RIF1: variants seen among roughly 807,000 people sequenced by gnomAD.
RIF1 encodes replication timing regulatory factor 1, also known as telomere-associated protein RIF1.
RIF1 carries 45 observed loss-of-function variants against 247.1 expected under a neutral mutation model. The ratio of observed to expected loss-of-function variants is 0.18; its 90% CI spans 0.14 to 0.23. RIF1 has a LOEUF of 0.23. RIF1 is among the 10% of genes least tolerant of loss of function. RIF1 has a pLI of 1.00. For missense variants in RIF1, 2,967 were observed against 2,862.5 expected (o/e 1.04, Z -0.83); for synonymous variants, 1,087 against 978.8 (o/e 1.11, Z -2.06).
At chr2:151,493,880 A>G in intron 9 of RIF1, 1 of 1,494,848 alleles carries the variant, frequency 6.7e-7, no homozygotes, top group Non-Finnish European at 9.0e-7. Context: ...GTGAGATACA[A>G]AGTCATGCCC....
At chr2:151,429,022 A>G in intron 9 of RIF1, 100 bp downstream of exon 9, 1 of 698,572 alleles carries the variant, frequency 1.4e-6, no homozygotes, top group Non-Finnish European at 2.4e-6. Context: ...AGTTGAAGTT[A>G]AGTAACTACT....
chr2:151,499,607 G>GTAAC (rs1424318864), intron 11 of RIF1: 1 of 366,636 alleles, frequency 2.7e-6, no homozygotes, highest in African/African-American at 2.2e-5. Context: ...TCTTTTTATT[G>GTAAC]TAACTTGAAT....
At chr2:151,506,247 T>A in exon 13 of RIF1, 1 of 1,612,528 alleles carries the variant, frequency 6.2e-7, no homozygotes, top group Non-Finnish European at 8.5e-7. Flanking sequence ...AGACATCCTC[T>A]TTATATAAAA....
intron 1 of RIF1, 68 bp downstream of exon 1, chr2:151,410,101 C>G (rs951609016): frequency 1.4e-6 from 1 of 695,406 alleles, no homozygotes; most frequent in Admixed American, 2.0e-5. Context: ...CCTCCGCCCC[C>G]TCGCGGCGAG....
rs748252673 is a variant in RIF1, at chr2:151,465,065, C to T, written c.5545C>T (p.Leu1849Phe). Residue 1849 changes from leucine to phenylalanine, a missense_variant, in exon 30 of 36, where the codon CTT (leucine) becomes TTT (phenylalanine). By Grantham distance (22) the Leu-to-Phe change is conservative. This residue lies in a region of RIF1 where 2,028 missense variants were observed against 1,825.6 expected (regional missense o/e 1.11). Coordinates refer to ENST00000444746, the MANE Select transcript of RIF1 (RefSeq NM_018151.5). ...TATGGATTCTAGTGAAGCAATGTCT[C>T]TTGAAAGCCAGGAGTCACCTAATGA... ...CDMDSSEAMS[L>F]ESQESPNENF... The T allele has an allele frequency of 1.3e-6, 2 of 1,594,742 alleles. No individual in the cohort carries two copies. Among genetic ancestry groups the T allele is most frequent in the Middle Eastern group, 1.7e-4 (1 of 5,932 alleles).
chr2:151,443,217 A>G (rs755450260), intron 16 of RIF1, 42 bp from the exon 17 acceptor site: 12 of 1,198,740 alleles, frequency 1.0e-5, no homozygotes, highest in African/African-American at 9.2e-5. Context: ...CAAATGTTCT[A>G]TTCTTTGTAA....
the RIF1 span, among the ~76,000 whole-genome samples, chr2:151,532,904 C>T: frequency 6.6e-6 from 1 of 152,092 alleles, no homozygotes; most frequent in East Asian, 1.9e-4. Flanking sequence ...TTATCAGAGA[C>T]ACTGTTAACC....
chr2:151,465,237 T>C lies in RIF1; in HGVS notation c.5717T>C (p.Val1906Ala), dbSNP rs753991919. ...ACTGTTGAAGGAAATGCATGTAAAG[T>C]AACAGAATCCAATCTAGAGAAAGCA... ...NVTVEGNACK[V>A]TESNLEKAKT... is the part of the protein sequence containing the mutation. The change falls in exon 30 of 36, where the codon GTA (valine) becomes GCA (alanine). Residue 1906 changes from valine (V) to alanine (A), a missense_variant. Physicochemically the swap from Val to Ala is moderately conservative, Grantham distance 64 (BLOSUM62 0). Transcript: ENST00000444746. The C allele has an allele frequency of 6.2e-7, 1 of 1,610,556 alleles. No individual in the cohort carries two copies. Among genetic ancestry groups the C allele is most frequent in the Non-Finnish European group, 8.5e-7 (1 of 1,179,274 alleles).
At chr2:151,493,264 T>C in intron 9 of RIF1, 3 of 1,008,740 alleles carry the variant, frequency 3.0e-6, no homozygotes, top group Non-Finnish European at 1.5e-6. Flanking sequence ...TAGTGTGTTT[T>C]TCAGTTGAAT....
chr2:151,459,023 C>G (rs1019147386), intron 25 of RIF1, 113 bp downstream of exon 25: 19 of 613,414 alleles, frequency 3.1e-5, no homozygotes, highest in Non-Finnish European at 4.7e-5. Flanking sequence ...AGGCTTTTTC[C>G]ACATTGTCAG....
intron 9 of RIF1, chr2:151,491,965 TAGG>T: frequency 9.3e-7 from 1 of 1,074,066 alleles, no homozygotes; most frequent in Non-Finnish European, 1.4e-6. Flanking sequence ...TATGAGATAA[TAGG>T]AGCTTTCTTG....
At chr2:151,447,232 C>T (rs1474002308) in intron 20 of RIF1, among the ~76,000 whole-genome samples, 3 of 152,164 alleles carry the variant, frequency 2.0e-5, no homozygotes, top group African/African-American at 2.4e-5. Flanking sequence ...CGTGAGCCAC[C>T]GCGCCCGGCC....
chr2:151,413,541 A>G (rs763167926), intron 3 of RIF1, among the ~76,000 whole-genome samples: 6 of 152,214 alleles, frequency 3.9e-5, no homozygotes, highest in Non-Finnish European at 8.8e-5. Context: ...GGAATCTACA[A>G]CATTCTTGAA....
chr2:151,449,304 TG>T (rs1156906609), intron 20 of RIF1, among the ~76,000 whole-genome samples: 1 of 152,224 alleles, frequency 6.6e-6, no homozygotes, highest in Non-Finnish European at 1.5e-5. Context: ...TTAGTGATAT[TG>T]GAGTTCTCAT....
chr2:151,429,295 C>G (rs779312109), intron 9 of RIF1, among the ~76,000 whole-genome samples: 38 of 152,128 alleles, frequency 2.5e-4, no homozygotes, highest in Non-Finnish European at 1.0e-4. Flanking sequence ...ATTCTCCTGC[C>G]TCAGCCTCCC....
chr2:151,499,551 G>T, intron 11 of RIF1: 4 of 503,754 alleles, frequency 7.9e-6, no homozygotes, highest in Non-Finnish European at 1.4e-5. Flanking sequence ...GTGAGAACAT[G>T]TTTTGTATTT....
downstream of RIF1, chr2:151,485,682 TA>T (rs2049724688): frequency 1.5e-6 from 2 of 1,367,864 alleles, no homozygotes; most frequent in African/African-American, 2.9e-5. Flanking sequence ...AGAACTTAGG[TA>T]ACAGTGGAGA....
chr2:151,499,415 GA>G, exon 11 of RIF1: 7 of 1,354,190 alleles, frequency 5.2e-6, no homozygotes, highest in Non-Finnish European at 7.2e-6. Flanking sequence ...AAAGCATCCA[GA>G]AAAAACAAGA....
downstream of RIF1, among the ~76,000 whole-genome samples, chr2:151,482,536 G>A (rs532712735): frequency 2.0e-4 from 30 of 152,226 alleles, no homozygotes; most frequent in African/African-American, 7.0e-4. Flanking sequence ...TGGTGTGGGC[G>A]AGGGCAGAGG....
Sources: allele counts gnomAD v4.1 joint callset (sites outside exome capture counted in the v4.1 genomes callset), GRCh38; gene constraint gnomAD v4.1.1; regional missense constraint gnomAD v4.1.1; transcripts MANE v1.5; gene names NCBI Gene and HGNC (gene_info 2026-07-23, HGNC 2026-07-21).